The following SORBS2 variants were observed in gnomAD, a reference collection of about 807,000 sequenced individuals.
SORBS2 encodes the protein sorbin and SH3 domain containing 2.
SORBS2 carries 46 observed loss-of-function variants against 97.7 expected under a neutral mutation model. The observed-to-expected ratio is 0.47, with a 90% CI of 0.37 to 0.60. The LOEUF is 0.60. Among genes scored for constraint, SORBS2 ranks in the 20% least tolerant of loss-of-function variants. The pLI is 0.00. For synonymous variants in SORBS2, 476 were observed against 473.4 expected (o/e 1.01, Z -0.07); for missense variants, 1,316 against 1,282.3 (o/e 1.03, Z -0.40).
intron 1 of SORBS2, among the ~76,000 whole-genome samples, chr4:185,851,220 T>C (rs1009490754): frequency 2.0e-5 from 3 of 152,214 alleles, no homozygotes; most frequent in Non-Finnish European, 4.4e-5. Flanking sequence ...TTTCATATTT[T>C]GCCTCTGACA....
At chr4:185,846,682 T>G (rs991634880) in intron 1 of SORBS2, among the ~76,000 whole-genome samples, 7 of 152,188 alleles carry the variant, frequency 4.6e-5, no homozygotes, top group African/African-American at 1.7e-4. Context: ...TAGCGTACAT[T>G]TATTCAATGA....
chr4:185,747,311 G>T (rs575388594), intron 2 of SORBS2, among the ~76,000 whole-genome samples: 3 of 152,216 alleles, frequency 2.0e-5, no homozygotes, highest in Admixed American at 2.0e-4. Context: ...GTGGTACTTT[G>T]TTATGGAAGC....
At position 185,759,439 on chromosome 4, in the gene SORBS2, G is replaced by T. The variant is rs548205318; in HGVS notation, c.-198+15788C>A. ...GAACAGAGTTTGTGTATGTGAGGGG[G>T]GTGTGTACCTTTTTCTAAGGATTGA... On this transcript the variant is annotated intron_variant, in intron 2 of 20. Coordinates refer to the SORBS2 transcript ENST00000284776. Among the ~76,000 whole-genome samples the T allele has an allele frequency of 5.3e-5, 8 of 152,228 alleles. No homozygotes were observed. The East Asian group carries it at 7.7e-4, about 15-fold the overall frequency.
At chr4:185,811,566 T>C (rs1387397101) in intron 1 of SORBS2, 98 bp downstream of exon 1, 1 of 152,220 alleles carries the variant, frequency 6.6e-6, no homozygotes, top group African/African-American at 2.4e-5. Flanking sequence ...TATGTTTGTT[T>C]GGTAAATCCA....
At chr4:185,852,619 A>T (rs1476436785) in intron 1 of SORBS2, among the ~76,000 whole-genome samples, 1 of 152,136 alleles carries the variant, frequency 6.6e-6, no homozygotes, top group Non-Finnish European at 1.5e-5. Flanking sequence ...AGAAAAACTG[A>T]TTTCCACATT....
chr4:185,679,917 T>A lies in SORBS2; in HGVS notation c.-197-1095A>T, dbSNP rs556512077. Among the ~76,000 whole-genome samples the A allele has an allele frequency of 8.5e-5, 13 of 152,334 alleles. No homozygotes were observed. The East Asian group carries it at 1.9e-3, about 23-fold the overall frequency. ...TGATTTTTAGATAAAATATTTGATA[T>A]GGGTTCTTTCCAAATCAAAGGAAGG... On this transcript the variant is annotated intron_variant, in intron 2 of 20. Transcript: ENST00000284776.
At chr4:185,861,715 C>T (rs2149712363) in intron 1 of SORBS2, among the ~76,000 whole-genome samples, 1 of 152,004 alleles carries the variant, frequency 6.6e-6, no homozygotes, top group South Asian at 2.1e-4. Context: ...AAGCGATCCT[C>T]CTGCCTCAGC....
At chr4:185,937,454 T>A (rs1464042580) in intron 1 of SORBS2, among the ~76,000 whole-genome samples, 1 of 152,220 alleles carries the variant, frequency 6.6e-6, no homozygotes, top group African/African-American at 2.4e-5. Context: ...GACACCATAA[T>A]GCCTCAATCT....
intron 2 of SORBS2, among the ~76,000 whole-genome samples, chr4:185,748,634 G>T (rs895914756): frequency 2.6e-5 from 4 of 152,284 alleles, no homozygotes; most frequent in Admixed American, 2.6e-4. Context: ...CTGCAGTTTT[G>T]CCATTAGTGG....
At chr4:185,706,823 T>A (rs1451925297) in intron 2 of SORBS2, among the ~76,000 whole-genome samples, 1 of 152,232 alleles carries the variant, frequency 6.6e-6, no homozygotes, top group Non-Finnish European at 1.5e-5. Context: ...TCATCTATAT[T>A]GTTGGTTATC....
intron 1 of SORBS2, among the ~76,000 whole-genome samples, chr4:185,847,897 T>C (rs6552928): frequency 0.54 from 82,591 of 151,994 alleles, 22,941 homozygotes; most frequent in East Asian, 0.78. Flanking sequence ...GCAAACAGCA[T>C]GTCTCAGATT....
intron 1 of SORBS2, among the ~76,000 whole-genome samples, chr4:185,814,768 G>A (rs948945279): frequency 3.9e-5 from 6 of 152,266 alleles, no homozygotes; most frequent in African/African-American, 9.6e-5. Flanking sequence ...CCCGTGGCAC[G>A]TCTCCCGGCA....
chr4:185,807,252 C>T (rs1346861117), intron 1 of SORBS2, among the ~76,000 whole-genome samples: 3 of 151,918 alleles, frequency 2.0e-5, no homozygotes, highest in Admixed American at 6.6e-5. Flanking sequence ...ATTACCAGGC[C>T]TTTTTGTTTT....
intron 1 of SORBS2, among the ~76,000 whole-genome samples, chr4:185,874,872 TGCATGCTACAGTATA>T (rs1579282060): frequency 1.2e-4 from 18 of 151,136 alleles, no homozygotes; most frequent in South Asian, 2.1e-4. Flanking sequence ...TTTTTTTTTT[TGCATGCTACAGTATA>T]TTGTGTTTGG....
chr4:185,758,318 C>T (rs2098843185), intron 2 of SORBS2, among the ~76,000 whole-genome samples: 1 of 152,212 alleles, frequency 6.6e-6, no homozygotes, highest in African/African-American at 2.4e-5. Flanking sequence ...AAGCCATCAT[C>T]TTTCTTGATT....
At chr4:185,699,033 T>C (rs1207838577) in intron 2 of SORBS2, among the ~76,000 whole-genome samples, 1 of 152,190 alleles carries the variant, frequency 6.6e-6, no homozygotes, top group Non-Finnish European at 1.5e-5. Context: ...AATACACCTG[T>C]TTCCTGAGCA....
At chr4:185,885,451 G>C (rs2099238916) in intron 1 of SORBS2, among the ~76,000 whole-genome samples, 1 of 152,214 alleles carries the variant, frequency 6.6e-6, no homozygotes, top group Admixed American at 6.5e-5. Flanking sequence ...CTACAGCTCA[G>C]AGGCCAAATG....
At chr4:185,781,636 GCCTCCGGCCTCTCCAGCGTCC>G (rs2153635610) in intron 1 of SORBS2, among the ~76,000 whole-genome samples, 1 of 110,584 alleles carries the variant, frequency 9.0e-6, no homozygotes, top group South Asian at 2.6e-4. Context: ...CCCTTCCATT[GCCTCCGGCCTCTCCAGCGTCC>G]CTTCCATTGC....
intron 1 of SORBS2, among the ~76,000 whole-genome samples, chr4:185,905,810 A>G (rs2099250454): frequency 6.6e-6 from 1 of 152,142 alleles, no homozygotes; most frequent in South Asian, 2.1e-4. Flanking sequence ...TAGTGACCCA[A>G]TATGAATTTC....
Sources: allele counts gnomAD v4.1 joint callset (sites outside exome capture counted in the v4.1 genomes callset), GRCh38; gene constraint gnomAD v4.1.1; transcripts MANE v1.5; gene names NCBI Gene and HGNC (gene_info 2026-07-23, HGNC 2026-07-21).